SDK1: variants seen among roughly 807,000 people sequenced by gnomAD.
SDK1 encodes the protein protein sidekick-1.
Under a neutral mutation model 245.5 loss-of-function variants are expected in SDK1, and 157 were observed. That is an observed-to-expected ratio of 0.64 (90% CI 0.56 to 0.73). The LOEUF is 0.73. Among genes scored for constraint, SDK1 ranks in the 30% least tolerant of loss-of-function variants. SDK1 has a pLI of 0.00. For missense variants in SDK1, 3,583 were observed against 3,002.3 expected (o/e 1.19, Z -4.52); for synonymous variants, 1,647 against 1,278.5 (o/e 1.29, Z -6.15).
intron 15 of SDK1, 99 bp downstream of exon 15, chr7:4,011,212 C>G (rs1029479735): frequency 2.1e-6 from 3 of 1,430,446 alleles, no homozygotes; most frequent in African/African-American, 1.4e-5. Context: ...CACAGCAACC[C>G]GCTGGCTTCC....
At chr7:3,744,728 C>T (rs565814847) in intron 4 of SDK1, among the ~76,000 whole-genome samples, 9 of 151,966 alleles carry the variant, frequency 5.9e-5, no homozygotes, top group South Asian at 4.2e-4. Flanking sequence ...AGGAGAATGG[C>T]GTGAACCCGG....
At chr7:4,235,803 A>G (rs1036405309) in intron 41 of SDK1, among the ~76,000 whole-genome samples, 5 of 152,182 alleles carry the variant, frequency 3.3e-5, no homozygotes, top group Admixed American at 6.5e-5. Context: ...TCAGTCCTTC[A>G]GGGAAGCCAG....
chr7:4,132,127 G>C (rs909207265), intron 27 of SDK1, among the ~76,000 whole-genome samples, 198 bp from the exon 28 acceptor site: 44 of 152,140 alleles, frequency 2.9e-4, no homozygotes, highest in African/African-American at 1.1e-3. Flanking sequence ...GGAAGTGTTT[G>C]CTCAAGATCC....
At chr7:4,134,811 T>G (rs555906868) in intron 28 of SDK1, 2 of 152,534 alleles carry the variant, frequency 1.3e-5, no homozygotes, top group South Asian at 2.1e-4. Context: ...GAGCAAAGCA[T>G]GTGCTTCATC....
intron 4 of SDK1, among the ~76,000 whole-genome samples, chr7:3,665,832 G>T (rs882552): frequency 6.6e-6 from 1 of 152,126 alleles, no homozygotes; most frequent in Admixed American, 6.5e-5. Flanking sequence ...AGCGTTCCTT[G>T]TGTTGCTTTT....
chr7:3,685,075 G>C (rs1198517693), intron 4 of SDK1, among the ~76,000 whole-genome samples: 1 of 152,178 alleles, frequency 6.6e-6, no homozygotes, highest in African/African-American at 2.4e-5. Context: ...AATGTTTGAA[G>C]AAGTAATGTT....
intron 4 of SDK1, among the ~76,000 whole-genome samples, chr7:3,780,355 G>A (rs1222971424): frequency 6.6e-6 from 1 of 152,216 alleles, no homozygotes; most frequent in Non-Finnish European, 1.5e-5. Flanking sequence ...AACACTAGGA[G>A]AAACAGCATG....
chr7:3,693,972 G>A (rs546499733), intron 4 of SDK1, among the ~76,000 whole-genome samples: 7 of 152,110 alleles, frequency 4.6e-5, no homozygotes, highest in Admixed American at 6.6e-5. Flanking sequence ...TCCCTCACTC[G>A]TCCCACCTGC....
Position 4,265,854 on chromosome 7 carries a change from C to T in SDK1, c.*470C>T, listed in dbSNP as rs1788435177. On this transcript the variant is annotated 3_prime_UTR_variant, in exon 45 of 45. Transcript: ENST00000404826. ...CACCCTTCTCAACGCAGGACATCCT[C>T]GGCGGCTCCTGGGGTTTGAAGAGCA... 15 of 989,668 alleles carry T rather than the reference C, an allele frequency of 1.5e-5. No individual in the cohort carries two copies. Among genetic ancestry groups the T allele is most frequent in the Non-Finnish European group, 1.8e-5 (15 of 833,146 alleles). 61.3% of individuals were successfully genotyped at this position (989,668 alleles called of 1,614,324 possible).
rs7781965 is a variant in SDK1, at chr7:4,254,944, T to G, written c.6381+9139T>G. 4.6e-5 allele frequency among the ~76,000 whole-genome samples: 7 copies of G among 152,054 alleles called. No individual in the cohort carries two copies. In the South Asian group the frequency reaches 1.5e-3, roughly 32 times the overall value. The stretch of plus-strand genomic sequence containing the variant: ...CATTAAGATTCTGGATGGTTTACCA[T>G]GATTGGCGTCATACCCAGCAGTTAA... On this transcript the variant is annotated intron_variant, in intron 44 of 44. Transcript: ENST00000404826.
chr7:3,410,956 C>T (rs532567251), intron 1 of SDK1, among the ~76,000 whole-genome samples: 1 of 152,222 alleles, frequency 6.6e-6, no homozygotes, highest in South Asian at 2.1e-4. Context: ...ACAGAGGCTT[C>T]ATGGTGTAGA....
At chr7:3,532,092 T>G (rs997472420) in intron 1 of SDK1, among the ~76,000 whole-genome samples, 2 of 152,238 alleles carry the variant, frequency 1.3e-5, no homozygotes, top group East Asian at 1.9e-4. Context: ...GAACATACTT[T>G]CTACCTTCTT....
At chr7:3,601,520 G>A (rs911166551) in intron 1 of SDK1, among the ~76,000 whole-genome samples, 1 of 151,846 alleles carries the variant, frequency 6.6e-6, no homozygotes, top group South Asian at 2.1e-4. Context: ...GTTGTTCATA[G>A]TATTCTTTTT....
In SDK1 at chr7:3,301,796, G is replaced by C. The variant is rs1447696961; in HGVS notation, c.210G>C (p.Gly70=). The stretch of plus-strand genomic sequence containing the variant: ...CGGCGGGCGCGGGGCGGTGCGGCGG[G>C]CGGCGGGCGGCAAAGTTGGGGCCGG... The part of the protein sequence containing the change: ...GDTAGAGRCG[G]RRAAKLGPGR... Residue 70 remains glycine (G), a synonymous_variant, in exon 1 of 45, where the codon GGG becomes GGC. Transcript: ENST00000404826. The C allele has an allele frequency of 1.9e-6, 2 of 1,032,672 alleles. No individual in the cohort carries two copies. Among genetic ancestry groups the C allele is most frequent in the East Asian group, 8.2e-5 (1 of 12,236 alleles). The allele number at this position is 1,032,672 out of a possible 1,614,324, so 64.0% of individuals were successfully genotyped here.
intron 5 of SDK1, among the ~76,000 whole-genome samples, chr7:3,911,719 C>G (rs1159239060): frequency 6.6e-6 from 1 of 152,184 alleles, no homozygotes; most frequent in African/African-American, 2.4e-5. Context: ...CCCATTTTGT[C>G]TCTAGTTCTG....
chr7:3,505,571 C>T (rs895250337), intron 1 of SDK1, among the ~76,000 whole-genome samples: 1 of 152,186 alleles, frequency 6.6e-6, no homozygotes, highest in Non-Finnish European at 1.5e-5. Flanking sequence ...CTTAATATAT[C>T]TCTTCACATA....
chr7:3,595,118 A>G lies in SDK1; in HGVS notation c.299-23962A>G, dbSNP rs114202675. On this transcript the variant is annotated intron_variant, in intron 1 of 44. Coordinates refer to ENST00000404826, the MANE Select transcript of SDK1 (RefSeq NM_152744.4). ...TAGAAGATTGAAGTCAGATGCAGCC[A>G]ATTTTCTCCCGATTACTTTTTTTTT... 8.6e-3 allele frequency among the ~76,000 whole-genome samples: 1,312 copies of G among 152,244 alleles called. 22 individuals are homozygous for G. The highest frequency in any genetic ancestry group is 0.029 in the African/African-American group (1,214 of 41,548).
chr7:4,020,682 G>T (rs920120959), intron 17 of SDK1, among the ~76,000 whole-genome samples: 3 of 152,188 alleles, frequency 2.0e-5, no homozygotes, highest in African/African-American at 7.2e-5. Context: ...TCACACACAC[G>T]TGTATATTCA....
chr7:3,344,705 C>T (rs943314500), intron 1 of SDK1, among the ~76,000 whole-genome samples: 5 of 152,188 alleles, frequency 3.3e-5, no homozygotes, highest in African/African-American at 4.8e-5. Context: ...GCTGATAGCA[C>T]GTTTCAATCA....
Sources: gnomAD v4.1 joint callset for allele counts (sites outside exome capture counted in the v4.1 genomes callset) on GRCh38, gnomAD v4.1.1 for gene constraint, MANE v1.5 for transcripts, NCBI Gene and HGNC (gene_info 2026-07-23, HGNC 2026-07-21) for gene names.